Variants in SCN10A observed in about 807,000 individuals in gnomAD.
SCN10A encodes the protein sodium channel protein type 10 subunit alpha.
A neutral mutation model predicts 170.7 loss-of-function variants in SCN10A; 162 were observed. That is an observed-to-expected ratio of 0.95 (90% CI 0.84 to 1.08). SCN10A has a LOEUF of 1.08. Ranked by LOEUF, SCN10A falls within the 50% of genes least tolerant of loss-of-function variation. The pLI, the probability that SCN10A is intolerant of heterozygous loss-of-function variation, is 0.00. For synonymous variants in SCN10A, 985 were observed against 904.6 expected (o/e 1.09, Z -1.59); for missense variants, 2,527 against 2,436.9 (o/e 1.04, Z -0.78).
At chr3:38,706,642 T>C (rs999390174) in intron 26 of SCN10A, among the ~76,000 whole-genome samples, 3 of 152,212 alleles carry the variant, frequency 2.0e-5, no homozygotes, top group Non-Finnish European at 2.9e-5. Flanking sequence ...ACTTAGGTGA[T>C]ATCATGTGTG....
intron 1 of SCN10A, among the ~76,000 whole-genome samples, chr3:38,797,303 T>A (rs1039389921): frequency 1.3e-5 from 2 of 152,176 alleles, no homozygotes; most frequent in East Asian, 1.9e-4. Context: ...GAGGCTCTGC[T>A]GGTTGTCACC....
At chr3:38,757,185 C>A (rs1559447651) in intron 8 of SCN10A, 26 bp from the exon 9 acceptor site, 1 of 1,566,544 alleles carries the variant, frequency 6.4e-7, no homozygotes, top group South Asian at 1.2e-5. Context: ...AGAAGGTCAT[C>A]CCCTGCTTAT....
At chr3:38,814,704 T>C (rs1218598374) in intron 1 of SCN10A, among the ~76,000 whole-genome samples, 1 of 152,226 alleles carries the variant, frequency 6.6e-6, no homozygotes, top group African/African-American at 2.4e-5. Context: ...TATATGCTCA[T>C]TTATTATTAC....
intron 3 of SCN10A, 127 bp downstream of exon 3, chr3:38,791,923 A>T: frequency 7.9e-7 from 1 of 1,266,842 alleles, no homozygotes; most frequent in Admixed American, 2.3e-5. Context: ...TTTCAATCTA[A>T]TGACCTCATT....
intron 8 of SCN10A, among the ~76,000 whole-genome samples, chr3:38,758,332 G>C: frequency 6.6e-6 from 1 of 152,190 alleles, no homozygotes; most frequent in Non-Finnish European, 1.5e-5. Flanking sequence ...AATTAACTCT[G>C]AGGGCAGCCT....
chr3:38,772,682 T>C (rs9866540), intron 4 of SCN10A, among the ~76,000 whole-genome samples: 1,876 of 148,540 alleles, frequency 0.013, 41 homozygotes, highest in African/African-American at 0.044. Flanking sequence ...GAGCAAGACT[T>C]CGTCTCCAAA....
chr3:38,763,432 A>G, intron 6 of SCN10A, 73 bp downstream of exon 6: 1 of 1,171,070 alleles, frequency 8.5e-7, no homozygotes, highest in East Asian at 2.3e-5. Flanking sequence ...GGAACCTTAC[A>G]GGGTTCTTGT....
At chr3:38,785,861 A>G (rs1011745316) in intron 4 of SCN10A, among the ~76,000 whole-genome samples, 1 of 152,254 alleles carries the variant, frequency 6.6e-6, no homozygotes, top group Non-Finnish European at 1.5e-5. Flanking sequence ...TATGCAGCCA[A>G]TAAACATATG....
At chr3:38,738,631 C>T (rs1359200998) in intron 15 of SCN10A, among the ~76,000 whole-genome samples, 1 of 152,208 alleles carries the variant, frequency 6.6e-6, no homozygotes, top group African/African-American at 2.4e-5. Flanking sequence ...CCAGTTAATA[C>T]TGAGAGATTC....
At chr3:38,714,348 C>T (rs2063309239) in intron 21 of SCN10A, among the ~76,000 whole-genome samples, 1 of 152,200 alleles carries the variant, frequency 6.6e-6, no homozygotes, top group East Asian at 1.9e-4. Context: ...CGTAGGTGGC[C>T]AAGCTTCCAG....
intron 23 of SCN10A, 102 bp downstream of exon 23, chr3:38,712,059 A>T: frequency 3.5e-6 from 4 of 1,154,260 alleles, no homozygotes; most frequent in Non-Finnish European, 5.1e-6. Flanking sequence ...ACTGAGTGCT[A>T]CTCCTTGCAA....
At chr3:38,741,289 AACACACACAC>A (rs60874265) in intron 14 of SCN10A, among the ~76,000 whole-genome samples, 51 of 146,772 alleles carry the variant, frequency 3.5e-4, no homozygotes, top group African/African-American at 9.2e-4. Flanking sequence ...CGTGTGTTTG[AACACACACAC>A]ACACACACAC....
intron 27 of SCN10A, among the ~76,000 whole-genome samples, chr3:38,698,961 T>A (rs574252861): frequency 6.6e-6 from 1 of 152,242 alleles, no homozygotes; most frequent in South Asian, 2.1e-4. Context: ...TACTGCAGCC[T>A]TTGGGTCATG....
intron 12 of SCN10A, among the ~76,000 whole-genome samples, chr3:38,751,481 C>T (rs998612721): frequency 2.0e-5 from 3 of 152,220 alleles, no homozygotes; most frequent in African/African-American, 7.2e-5. Flanking sequence ...AACTCTAAGA[C>T]TTATCTGTAT....
chr3:38,714,222 A>G, intron 21 of SCN10A, 142 bp from the exon 22 acceptor site: 1 of 948,496 alleles, frequency 1.1e-6, no homozygotes, highest in Admixed American at 2.6e-5. Flanking sequence ...TCGGAACTCC[A>G]ATGAGAGGTC....
At chr3:38,730,571 T>C (rs577731358) in intron 15 of SCN10A, among the ~76,000 whole-genome samples, 3 of 152,264 alleles carry the variant, frequency 2.0e-5, no homozygotes, top group African/African-American at 4.8e-5. Context: ...GATGATAGAA[T>C]TATTAGTCAG....
intron 15 of SCN10A, among the ~76,000 whole-genome samples, chr3:38,735,522 C>T (rs2063552140): frequency 6.6e-6 from 1 of 152,186 alleles, no homozygotes; most frequent in Admixed American, 6.5e-5. Flanking sequence ...TTACAGCAGT[C>T]CCTAATGGGA....
rs150977149 is a variant in SCN10A at position 38,763,548 on chromosome 3, T to G, written c.648A>C (p.Thr216=). Residue 216 remains threonine, a synonymous_variant, in exon 6 of 28, where the codon ACA becomes ACC. Transcript: ENST00000449082. The part of the protein sequence containing the change: ...IDLRGISGLR[T]FRVLRALKTV... Reference sequence around the variant, plus strand: ...TTTTTAATGCTCTAAGAACTCTGAATGTCCGCAGGCCTGAGATCCCACGGA... The same window carrying G: ...TTTTTAATGCTCTAAGAACTCTGAAGGTCCGCAGGCCTGAGATCCCACGGA... 1.0e-3 allele frequency: 1,632 copies of G among 1,614,024 alleles called. 2 individuals carry two copies. The highest frequency in any genetic ancestry group is 1.3e-3 in the Non-Finnish European group (1,514 of 1,179,982).
chr3:38,786,979 G>T (rs1013412858), intron 4 of SCN10A, among the ~76,000 whole-genome samples: 5 of 152,122 alleles, frequency 3.3e-5, no homozygotes, highest in Non-Finnish European at 5.9e-5. Flanking sequence ...TTCCTCAAAA[G>T]TTTCTTGGCT....
Sources: gnomAD v4.1 joint callset for allele counts (sites outside exome capture counted in the v4.1 genomes callset) on GRCh38, gnomAD v4.1.1 for gene constraint, MANE v1.5 for transcripts, NCBI Gene and HGNC (gene_info 2026-07-23, HGNC 2026-07-21) for gene names.